The following NBEA variants were observed in gnomAD, a reference collection of about 807,000 sequenced individuals.
The protein encoded by NBEA is lysosomal-trafficking regulator 2.
A neutral mutation model predicts 343.4 loss-of-function variants in NBEA; 44 were observed. That is an observed-to-expected ratio of 0.13 (90% confidence interval 0.10 to 0.16). The LOEUF is 0.16. Among genes scored for constraint, NBEA ranks in the 10% least tolerant of loss-of-function variants. NBEA has a pLI of 1.00. For synonymous variants in NBEA, 1,175 were observed against 1,238.7 expected (o/e 0.95, Z 1.08); for missense variants, 2,555 against 3,631.3 (o/e 0.70, Z 7.62).
chr13:35,117,254 G>A (rs1467826086), intron 13 of NBEA, among the ~76,000 whole-genome samples, 160 bp from the exon 14 acceptor site: 3 of 151,030 alleles, frequency 2.0e-5, no homozygotes, highest in Non-Finnish European at 4.4e-5. Flanking sequence ...GTTAATTTTT[G>A]GATACTCATA....
intron 55 of NBEA, among the ~76,000 whole-genome samples, chr13:35,657,547 A>C (rs2084871616): frequency 6.6e-6 from 1 of 152,236 alleles, no homozygotes; most frequent in Admixed American, 6.5e-5. Flanking sequence ...GTATGTGTAC[A>C]TGTGTATAAG....
intron 41 of NBEA, among the ~76,000 whole-genome samples, chr13:35,509,052 C>A (rs2077173682): frequency 6.6e-6 from 1 of 152,184 alleles, no homozygotes; most frequent in African/African-American, 2.4e-5. Flanking sequence ...CAGCCCTGAC[C>A]AGGAGTCCCT....
rs1297429698 is a variant in NBEA at position 35,671,285 on chromosome 13, CACA to C, written c.*296_*298del. On this transcript the variant is annotated 3_prime_UTR_variant, in exon 59 of 59. Coordinates refer to ENST00000379939, the MANE Select transcript of NBEA (RefSeq NM_001385012.1). ...ATTGAGAAAAGGTTGTAGGATGTGT[CACA>C]AGAGACTTTTGACAATTCTGAGGAA... 1 of 222,136 alleles carries C rather than the reference CACA, an allele frequency of 4.5e-6. No homozygotes were observed. The highest frequency in any genetic ancestry group is 8.9e-6 in the Non-Finnish European group (1 of 112,266). The allele number at this position is 222,136 out of a possible 1,614,324, so 13.8% of individuals were successfully genotyped here.
chr13:35,495,081 C>G (rs1483990344), intron 41 of NBEA, among the ~76,000 whole-genome samples: 1 of 151,924 alleles, frequency 6.6e-6, no homozygotes. Flanking sequence ...AGATCCAACT[C>G]TGTGCTCTCT....
intron 18 of NBEA, among the ~76,000 whole-genome samples, chr13:35,147,009 A>G (rs1295038923): frequency 1.3e-5 from 2 of 152,176 alleles, no homozygotes; most frequent in Non-Finnish European, 2.9e-5. Flanking sequence ...GGGCCTCCAC[A>G]AGGCATCTCT....
intron 34 of NBEA, among the ~76,000 whole-genome samples, chr13:35,242,262 A>G (rs2030432750): frequency 6.6e-6 from 1 of 151,854 alleles, no homozygotes; most frequent in African/African-American, 2.4e-5. Context: ...GAAAACCACA[A>G]AGGAATTAAA....
intron 40 of NBEA, among the ~76,000 whole-genome samples, chr13:35,464,544 C>T (rs1372506576): frequency 6.6e-6 from 1 of 152,070 alleles, no homozygotes; most frequent in Non-Finnish European, 1.5e-5. Flanking sequence ...TTTTTCTGTC[C>T]CTTTCTTGAT....
chr13:35,019,937 G>A (rs1039078316), intron 1 of NBEA, among the ~76,000 whole-genome samples: 1 of 151,962 alleles, frequency 6.6e-6, no homozygotes, highest in African/African-American at 2.4e-5. Context: ...TTGCTTCATC[G>A]GGCTAGATAA....
chr13:35,463,904 G>T (rs997468019), intron 40 of NBEA, among the ~76,000 whole-genome samples: 7 of 152,070 alleles, frequency 4.6e-5, no homozygotes, highest in Admixed American at 3.3e-4. Flanking sequence ...CAAGAGGAAA[G>T]ATATATTTCC....
intron 38 of NBEA, among the ~76,000 whole-genome samples, chr13:35,369,080 T>C (rs1375558742): frequency 6.6e-6 from 1 of 151,704 alleles, no homozygotes; most frequent in Non-Finnish European, 1.5e-5. Context: ...AATACATCTT[T>C]AGTTCCTTTT....
chr13:35,286,264 G>T (rs998548477), intron 34 of NBEA, among the ~76,000 whole-genome samples: 1 of 152,018 alleles, frequency 6.6e-6, no homozygotes, highest in African/African-American at 2.4e-5. Context: ...AAAAAATGAT[G>T]TTCTTATTTT....
At chr13:35,241,176 A>G (rs2030205088) in intron 34 of NBEA, among the ~76,000 whole-genome samples, 1 of 151,960 alleles carries the variant, frequency 6.6e-6, no homozygotes, top group Admixed American at 6.6e-5. Context: ...GAAAAAATCG[A>G]GTAATTTTGG....
intron 1 of NBEA, among the ~76,000 whole-genome samples, chr13:34,956,545 G>T (rs2059497399): frequency 6.6e-6 from 1 of 151,924 alleles, no homozygotes; most frequent in Non-Finnish European, 1.5e-5. Flanking sequence ...ACACATAATT[G>T]TATGTATTTC....
At chr13:35,622,144 A>T (rs2083022549) in intron 48 of NBEA, among the ~76,000 whole-genome samples, 1 of 152,214 alleles carries the variant, frequency 6.6e-6, no homozygotes, top group Non-Finnish European at 1.5e-5. Context: ...AAAAGCAGGA[A>T]GACAATGCTT....
chr13:35,184,741 G>A (rs1256717227), intron 30 of NBEA, among the ~76,000 whole-genome samples: 2 of 151,814 alleles, frequency 1.3e-5, no homozygotes, highest in Non-Finnish European at 2.9e-5. Flanking sequence ...AGAAATGGAA[G>A]ATATAAAGAA....
At chr13:35,078,453 G>C (rs1338305979) in intron 10 of NBEA, among the ~76,000 whole-genome samples, 1 of 152,150 alleles carries the variant, frequency 6.6e-6, no homozygotes, top group East Asian at 1.9e-4. Flanking sequence ...TGTCAAAGAA[G>C]AGCAAGAATC....
rs150860545 is a variant in NBEA at position 35,341,953 on chromosome 13, G to A, written c.5904-7155G>A. Among the ~76,000 whole-genome samples the A allele has an allele frequency of 7.3e-3, 1,104 of 152,116 alleles. 18 individuals are homozygous for A. The highest frequency in any genetic ancestry group is 0.025 in the African/African-American group (1,057 of 41,542). On this transcript the variant is annotated intron_variant, in intron 36 of 58. Coordinates refer to ENST00000379939, the MANE Select transcript of NBEA (RefSeq NM_001385012.1). ...CATAATTCCTAATTGCCTGTAAGTG[G>A]AAACAACCCAAATGTTCATCAACTG...
chr13:34,943,751 T>A (rs1031445913), intron 1 of NBEA, among the ~76,000 whole-genome samples: 1 of 152,224 alleles, frequency 6.6e-6, no homozygotes, highest in Non-Finnish European at 1.5e-5. Flanking sequence ...TACTGATCTC[T>A]TAGTCATTTT....
At chr13:35,053,929 A>G (rs976231817) in intron 6 of NBEA, among the ~76,000 whole-genome samples, 2 of 152,254 alleles carry the variant, frequency 1.3e-5, no homozygotes, top group South Asian at 2.1e-4. Context: ...GTAATTTGCC[A>G]AAAGCCATAG....
Sources: allele counts gnomAD v4.1 joint callset (sites outside exome capture counted in the v4.1 genomes callset), GRCh38; gene constraint gnomAD v4.1.1; transcripts MANE v1.5; gene names NCBI Gene and HGNC (gene_info 2026-07-23, HGNC 2026-07-21).